Variants in TRRAP observed in about 807,000 individuals in gnomAD.
TRRAP encodes transformation/transcription domain-associated protein.
Under a neutral mutation model 438.8 loss-of-function variants are expected in TRRAP, and 41 were observed. That is an observed-to-expected ratio of 0.09 (90% CI 0.07 to 0.12). TRRAP has a LOEUF of 0.12. Among genes scored for constraint, TRRAP ranks in the 10% least tolerant of loss-of-function variants. The pLI is 1.00. For missense variants in TRRAP, 3,122 were observed against 5,055.1 expected (o/e 0.62, Z 11.60); for synonymous variants, 1,994 against 1,962.9 (o/e 1.02, Z -0.42).
intron 66 of TRRAP, 61 bp downstream of exon 66, chr7:98,993,798 G>C (rs188303621): frequency 8.5e-6 from 13 of 1,528,414 alleles, no homozygotes; most frequent in Non-Finnish European, 9.9e-6. Context: ...TGTTCTGTAT[G>C]CTTCTGTGGC....
At chr7:98,975,501 CA>C (rs1331165094) in intron 53 of TRRAP, among the ~76,000 whole-genome samples, 1 of 152,210 alleles carries the variant, frequency 6.6e-6, no homozygotes, top group African/African-American at 2.4e-5. Context: ...ATCAGATCTT[CA>C]AAAACAAGAG....
At chr7:98,939,882 A>G (rs1432783033) in intron 30 of TRRAP, among the ~76,000 whole-genome samples, 1 of 151,716 alleles carries the variant, frequency 6.6e-6, no homozygotes, top group African/African-American at 2.4e-5. Flanking sequence ...TTGTTTGTTT[A>G]TTTTTATTTT....
At chr7:98,928,932 C>A (rs1048434656) in intron 23 of TRRAP, among the ~76,000 whole-genome samples, 3 of 150,680 alleles carry the variant, frequency 2.0e-5, no homozygotes, top group African/African-American at 7.4e-5. Context: ...TAACACCACG[C>A]CCGGCTAATT....
At chr7:98,897,682 T>TTG in intron 7 of TRRAP, 59 bp from the exon 8 acceptor site, 1 of 1,555,006 alleles carries the variant, frequency 6.4e-7, no homozygotes, top group Non-Finnish European at 8.7e-7. Context: ...TTTTGTTTTG[T>TTG]TTTTGAATGA....
intron 12 of TRRAP, 61 bp downstream of exon 12, chr7:98,903,578 T>G: frequency 6.2e-7 from 1 of 1,601,164 alleles, no homozygotes; most frequent in Non-Finnish European, 8.5e-7. Flanking sequence ...CTTTGGGGAC[T>G]CGGCTGACAT....
chr7:98,937,140 A>AT lies in TRRAP; in HGVS notation c.4112-13dup, dbSNP rs1249215885. Reference sequence around the variant, plus strand: ...TCCAGTTAATAATGGAATTGTCTTGATTTCTCTCCCTGAAGATGCACTTGC... The same window carrying AT: ...TCCAGTTAATAATGGAATTGTCTTGATTTTCTCTCCCTGAAGATGCACTTGC... On this transcript the variant is annotated splice_polypyrimidine_tract_variant and intron_variant, in intron 28 of 72. Transcript: ENST00000456197. 3 of 1,589,968 alleles carry AT rather than the reference A, an allele frequency of 1.9e-6. No individual in the cohort carries two copies. The highest frequency in any genetic ancestry group is 2.6e-6 in the Non-Finnish European group (3 of 1,171,820).
chr7:98,937,527 G>C, intron 29 of TRRAP, 123 bp from the exon 30 acceptor site: 1 of 1,172,164 alleles, frequency 8.5e-7, no homozygotes, highest in Non-Finnish European at 1.2e-6. Flanking sequence ...AATAGTATAT[G>C]ATTAATATTC....
At chr7:98,903,653 C>A in intron 12 of TRRAP, 136 bp downstream of exon 12, 1 of 1,259,268 alleles carries the variant, frequency 7.9e-7, no homozygotes, top group South Asian at 1.5e-5. Flanking sequence ...TGGGTTCATT[C>A]TTTCCCCTCT....
At chr7:98,922,079 T>C in intron 21 of TRRAP, 126 bp downstream of exon 21, 1 of 1,335,768 alleles carries the variant, frequency 7.5e-7, no homozygotes, top group Non-Finnish European at 1.0e-6. Context: ...TATCAGGTGA[T>C]CGGCCTGGTT....
chr7:98,910,493 T>A lies in TRRAP; in HGVS notation c.1715-17T>A. 1 of 1,614,000 alleles carries A rather than the reference T, an allele frequency of 6.2e-7. No individual in the cohort carries two copies. Among genetic ancestry groups the A allele is most frequent in the Middle Eastern group, 1.6e-4 (1 of 6,062 alleles). On this transcript the variant is annotated splice_polypyrimidine_tract_variant and intron_variant, in intron 15 of 72. Coordinates refer to ENST00000456197, the MANE Select transcript of TRRAP (RefSeq NM_001375524.1). The stretch of plus-strand genomic sequence containing the variant: ...GAGTTTTATTCAAGTTAACTTAATA[T>A]ACTTTCTCTTTTCCAGAAGCTCAGT...
At chr7:98,961,059 A>T (rs182918201) in intron 45 of TRRAP, among the ~76,000 whole-genome samples, 215 of 152,316 alleles carry the variant, frequency 1.4e-3, no homozygotes, top group African/African-American at 4.4e-3. Flanking sequence ...AAGTATTTTT[A>T]AAAAAGAGTT....
chr7:98,983,998 T>C (rs1584392221), intron 60 of TRRAP, 95 bp from the exon 61 acceptor site: 1 of 1,330,604 alleles, frequency 7.5e-7, no homozygotes, highest in Non-Finnish European at 1.0e-6. Context: ...TCATAAGCCA[T>C]GTGTGTGTGT....
rs141155552 is a variant in TRRAP, at chr7:98,910,522, T to C, written c.1727T>C (p.Ile576Thr). ...TTCTCTTTTCCAGAAGCTCAGTTCA[T>C]TCCCAACAAGCAGTTACAACCCAAA... ...SCKAPGEAQF[I>T]PNKQLQPKET... The change falls in exon 16 of 73, where the codon ATT (isoleucine) becomes ACT (threonine). Residue 576 changes from isoleucine to threonine, a missense_variant. Transcript: ENST00000456197. 197 of 1,613,948 alleles carry C rather than the reference T, an allele frequency of 1.2e-4. No individual in the cohort carries two copies. Among genetic ancestry groups the C allele is most frequent in the Non-Finnish European group, 1.6e-4 (185 of 1,180,022 alleles).
Position 98,908,045 on chromosome 7 carries a change from G to A in TRRAP, c.1116-683G>A, listed in dbSNP as rs1272188137. 6.6e-6 allele frequency among the ~76,000 whole-genome samples: 1 copy of A among 152,094 alleles called. No individual in the cohort carries two copies. Among genetic ancestry groups the A allele is most frequent in the Non-Finnish European group, 1.5e-5 (1 of 68,028 alleles). On this transcript the variant is annotated intron_variant, in intron 13 of 72. Transcript: ENST00000456197. The surrounding 1 kb of genome is among the most constrained non-coding windows in gnomAD (Gnocchi z 4.1). ...AATTTCCCTGGATTTTTGCCTTATG[G>A]CCCCTTTTTGTCCTTAAGATCTCAA...
intron 5 of TRRAP, among the ~76,000 whole-genome samples, chr7:98,892,751 A>G (rs1191762734): frequency 6.6e-6 from 1 of 152,236 alleles, no homozygotes; most frequent in African/African-American, 2.4e-5. Context: ...TTGGCCAGAC[A>G]TAGTAGGTAC....
intron 20 of TRRAP, among the ~76,000 whole-genome samples, chr7:98,918,057 G>T (rs1450607153): frequency 6.6e-6 from 1 of 151,354 alleles, no homozygotes; most frequent in African/African-American, 2.4e-5. Flanking sequence ...GGAGGTTGAG[G>T]CTGCAGCGAG....
intron 18 of TRRAP, among the ~76,000 whole-genome samples, chr7:98,912,578 C>T (rs782090738): frequency 1.3e-5 from 2 of 151,998 alleles, no homozygotes; most frequent in Non-Finnish European, 2.9e-5. Context: ...AGAACTCTTA[C>T]GGTAAGCAAG....
chr7:98,951,991 G>T (rs1409182493), intron 39 of TRRAP, among the ~76,000 whole-genome samples: 1 of 152,184 alleles, frequency 6.6e-6, no homozygotes, highest in Non-Finnish European at 1.5e-5. Context: ...AAAGGAGCTG[G>T]CAGGCTGGAG....
Position 98,910,305 on chromosome 7 carries a change from G to T in TRRAP, c.1600G>T (p.Asp534Tyr). Residue 534 changes from aspartate (D) to tyrosine (Y), a missense_variant, in exon 15 of 73, where the codon GAC becomes TAC. Asp to Tyr is a radical substitution (Grantham distance 160). Around this residue, in one of 24 missense-constraint regions of TRRAP, gnomAD observed 115 missense variants for 124.6 expected, o/e 0.92. Coordinates refer to ENST00000456197, the MANE Select transcript of TRRAP (RefSeq NM_001375524.1). ...VPPFEKQGEK[D>Y]KEDKQTFQVT... ...TCCCTTCGAGAAGCAAGGAGAAAAG[G>T]ACAAGGAAGACAAGCAGACATTCCA... 1 of 1,607,340 alleles carries T rather than the reference G, an allele frequency of 6.2e-7. No homozygotes were observed.
Sources: gnomAD v4.1 joint callset for allele counts (sites outside exome capture counted in the v4.1 genomes callset) on GRCh38, gnomAD v4.1.1 for gene constraint, gnomAD v4.1.1 regional missense constraint, Gnocchi (gnomAD v3.1) non-coding constraint, MANE v1.5 for transcripts, NCBI Gene and HGNC (gene_info 2026-07-23, HGNC 2026-07-21) for gene names.